Variants in SUN1 observed in about 807,000 individuals in gnomAD.
SUN1 encodes SUN domain-containing protein 1.
Under a neutral mutation model 103.2 loss-of-function variants are expected in SUN1, and 61 were observed. The ratio of observed to expected loss-of-function variants is 0.59; its 90% CI spans 0.48 to 0.73. SUN1 has a LOEUF of 0.73. Ranked by LOEUF, SUN1 falls within the 30% of genes least tolerant of loss-of-function variation. The probability of loss-of-function intolerance (pLI) is 0.00; values close to 1 mark genes in which losing one functional copy is unlikely to be tolerated. For missense variants in SUN1, 1,052 were observed against 1,034.6 expected (o/e 1.02, Z -0.23); for synonymous variants, 490 against 425.7 (o/e 1.15, Z -1.86).
chr7:815,588 CAA>C (rs760380006), upstream of SUN1, among the ~76,000 whole-genome samples: 2 of 151,556 alleles, frequency 1.3e-5, no homozygotes, highest in African/African-American at 2.4e-5. Context: ...AAAAAAAAAA[CAA>C]AAGAGCAAAA....
chr7:844,102 G>GT (rs1812791336), intron 5 of SUN1, among the ~76,000 whole-genome samples: 2 of 152,240 alleles, frequency 1.3e-5, no homozygotes, highest in Non-Finnish European at 2.9e-5. Flanking sequence ...GACTGGGCAA[G>GT]AGTGTGGGTG....
At chr7:818,436 T>C (rs1055740746) in intron 1 of SUN1, among the ~76,000 whole-genome samples, 2 of 152,366 alleles carry the variant, frequency 1.3e-5, no homozygotes, top group East Asian at 3.9e-4. Flanking sequence ...TATCCTTTAG[T>C]CTGTTGATGG....
chr7:871,869 C>T (rs1185075144), intron 17 of SUN1, among the ~76,000 whole-genome samples: 1 of 152,232 alleles, frequency 6.6e-6, no homozygotes, highest in Non-Finnish European at 1.5e-5. Context: ...ATAGAGCTTA[C>T]TGTTCTAATA....
intron 1 of SUN1, among the ~76,000 whole-genome samples, chr7:825,836 A>G (rs1425222269): frequency 6.6e-6 from 1 of 151,364 alleles, no homozygotes; most frequent in East Asian, 1.9e-4. Context: ...TAGTCTCTAC[A>G]TTATTTACTT....
At chr7:850,001 C>T in intron 5 of SUN1, 1 of 1,599,914 alleles carries the variant, frequency 6.3e-7, no homozygotes. Context: ...CCCGGTCGGG[C>T]AGGGACCCTC....
chr7:846,270 G>C (rs1416096608), intron 5 of SUN1, among the ~76,000 whole-genome samples: 1 of 151,584 alleles, frequency 6.6e-6, no homozygotes, highest in East Asian at 2.0e-4. Context: ...TACCATGCCC[G>C]GCTAATTTTT....
At chr7:863,107 A>G (rs888426682) in intron 15 of SUN1, among the ~76,000 whole-genome samples, 2 of 152,124 alleles carry the variant, frequency 1.3e-5, no homozygotes. Context: ...GTGCCACTGC[A>G]CTCCAGCCTG....
intron 9 of SUN1, 177 bp downstream of exon 9, chr7:853,129 A>C: frequency 1.2e-6 from 1 of 843,890 alleles, no homozygotes; most frequent in East Asian, 2.7e-5. Context: ...TCAAATGCAC[A>C]TTTAAAGTAC....
chr7:849,767 C>A, intron 5 of SUN1: 1 of 1,094,424 alleles, frequency 9.1e-7, no homozygotes, highest in Non-Finnish European at 1.4e-6. Flanking sequence ...ATCACAGAAG[C>A]TCATAGCCAC....
At chr7:843,848 G>A in intron 5 of SUN1, 1 of 1,357,592 alleles carries the variant, frequency 7.4e-7, no homozygotes, top group Admixed American at 3.5e-5. Flanking sequence ...CGGCACAGAT[G>A]TTCACACATA....
intron 7 of SUN1, 181 bp downstream of exon 7, chr7:852,224 C>A: frequency 3.1e-6 from 2 of 652,414 alleles, no homozygotes; most frequent in Non-Finnish European, 5.2e-6. Flanking sequence ...ATAAGAAAAG[C>A]AGATATCATT....
At chr7:848,342 T>G (rs1818532815) in intron 5 of SUN1, 2 of 1,232,208 alleles carry the variant, frequency 1.6e-6, no homozygotes, top group Non-Finnish European at 2.2e-6. Context: ...AATGAATAAT[T>G]TGGCTACCTG....
At chr7:827,131 C>T (rs1003505632) in intron 1 of SUN1, among the ~76,000 whole-genome samples, 1 of 152,116 alleles carries the variant, frequency 6.6e-6, no homozygotes, top group Non-Finnish European at 1.5e-5. Flanking sequence ...AAGCAATTCT[C>T]ATGCCTCAGC....
chr7:857,542 C>G (rs960427957), intron 12 of SUN1, among the ~76,000 whole-genome samples: 1 of 152,210 alleles, frequency 6.6e-6, no homozygotes, highest in African/African-American at 2.4e-5. Flanking sequence ...TCAGAGAGAG[C>G]TCTCACTCGC....
Position 857,994 on chromosome 7 carries a change from A to C in SUN1, c.1524+37A>C, listed in dbSNP as rs755188671. 2.0e-6 allele frequency: 3 copies of C among 1,512,096 alleles called. No individual in the cohort carries two copies. In the East Asian group the frequency reaches 7.0e-5, roughly 35 times the overall value. 93.7% of individuals were successfully genotyped at this position (1,512,096 alleles called of 1,614,324 possible). On this transcript the variant is annotated intron_variant, in intron 13 of 18. Transcript: ENST00000401592. ...GCATGTTTACTTTTTGTTTTATAAT[A>C]GAAAGTAAAAGAAAACTTGAATTGA...
intron 18 of SUN1, 37 bp downstream of exon 18, chr7:872,599 G>T: frequency 6.6e-7 from 1 of 1,517,582 alleles, no homozygotes; most frequent in Non-Finnish European, 9.0e-7. Flanking sequence ...GGGTCTCTGA[G>T]TCCCACAACT....
intron 1 of SUN1, among the ~76,000 whole-genome samples, chr7:836,496 C>T (rs1803353513): frequency 1.3e-5 from 2 of 152,134 alleles, no homozygotes; most frequent in African/African-American, 4.8e-5. Context: ...GGCCCAAGAC[C>T]CAGGAGAACC....
intron 3 of SUN1, chr7:842,342 T>C (rs1810899346): frequency 5.2e-6 from 3 of 577,204 alleles, no homozygotes; most frequent in Non-Finnish European, 9.2e-6. Context: ...ATCAGGACGC[T>C]CCTTGGAAGC....
chr7:831,397 G>A (rs1311651268), upstream of SUN1, among the ~76,000 whole-genome samples: 3 of 150,486 alleles, frequency 2.0e-5, no homozygotes, highest in South Asian at 2.1e-4. Flanking sequence ...TCAGCCTCCC[G>A]AGTAGCTGGG....
Sources: allele counts gnomAD v4.1 joint callset (sites outside exome capture counted in the v4.1 genomes callset), GRCh38; gene constraint gnomAD v4.1.1; transcripts MANE v1.5; gene names NCBI Gene and HGNC (gene_info 2026-07-23, HGNC 2026-07-21).